The following PAPPA2 variants were observed in gnomAD, a reference collection of about 807,000 sequenced individuals.
PAPPA2 encodes the protein pappalysin 2.
Under a neutral mutation model 176.4 loss-of-function variants are expected in PAPPA2, and 86 were observed. The ratio of observed to expected loss-of-function variants is 0.49; its 90% CI spans 0.41 to 0.58. The LOEUF (loss-of-function observed/expected upper bound fraction) is 0.58, where lower values mean the gene tolerates loss of function less well. Ranked by LOEUF, PAPPA2 falls within the 20% of genes least tolerant of loss-of-function variation. The probability of loss-of-function intolerance (pLI) is 0.00; values close to 1 mark genes in which losing one functional copy is unlikely to be tolerated. For missense variants in PAPPA2, 2,073 were observed against 2,256.9 expected, an observed-to-expected ratio of 0.92 and a Z score of 1.65; for synonymous variants, 809 against 852.2, an observed-to-expected ratio of 0.95 and a Z score of 0.88.
At chr1:176,753,696 G>A (rs1663288078) in intron 14 of PAPPA2, among the ~76,000 whole-genome samples, 1 of 151,588 alleles carries the variant, frequency 6.6e-6, no homozygotes, top group African/African-American at 2.4e-5. Flanking sequence ...TTGCTGCTGG[G>A]AAAGGCACTA....
chr1:176,472,160 G>A (rs1417031733), intron 1 of PAPPA2, among the ~76,000 whole-genome samples: 1 of 152,146 alleles, frequency 6.6e-6, no homozygotes. Flanking sequence ...TGATTTATCA[G>A]TGTTAACAAT....
At chr1:176,703,387 G>A (rs551681413) in intron 9 of PAPPA2, among the ~76,000 whole-genome samples, 1 of 152,248 alleles carries the variant, frequency 6.6e-6, no homozygotes, top group South Asian at 2.1e-4. Context: ...GTTTGCCTGG[G>A]ACTTCCCCGG....
intron 12 of PAPPA2, among the ~76,000 whole-genome samples, chr1:176,721,342 AT>A (rs1661606781): frequency 6.6e-6 from 1 of 152,222 alleles, no homozygotes; most frequent in African/African-American, 2.4e-5. Context: ...AGTAAAATGA[AT>A]TTAAATTCCC....
chr1:176,767,165 GAAAT>G (rs958777999), intron 15 of PAPPA2, among the ~76,000 whole-genome samples: 1 of 152,020 alleles, frequency 6.6e-6, no homozygotes, highest in Admixed American at 6.6e-5. Flanking sequence ...CTCCAGAAAA[GAAAT>G]AAAAAGAATG....
chr1:176,490,366 C>A (rs1652838647), intron 1 of PAPPA2, among the ~76,000 whole-genome samples: 1 of 152,064 alleles, frequency 6.6e-6, no homozygotes, highest in African/African-American at 2.4e-5. Context: ...AGTTTGCAGG[C>A]AGCCTGATAA....
At chr1:176,734,505 TG>T (rs1271925458) in intron 12 of PAPPA2, among the ~76,000 whole-genome samples, 2 of 151,876 alleles carry the variant, frequency 1.3e-5, no homozygotes, top group Non-Finnish European at 2.9e-5. Flanking sequence ...CATACAAAGG[TG>T]GGCAGGGGCT....
Position 176,667,603 on chromosome 1 carries a change from T to C in PAPPA2, c.1992-3367T>C, listed in dbSNP as rs116202150. On this transcript the variant is annotated intron_variant, in intron 3 of 22. Transcript: ENST00000367662. ...GAGAGGGATCAGGTCAAAGGTGATA[T>C]TCCCTTGAAGGAAGAGGCAGTGCAG... Among the ~76,000 whole-genome samples, 570 of 152,160 alleles carry C rather than the reference T, an allele frequency of 3.7e-3. 2 individuals carry two copies. The highest frequency in any genetic ancestry group is 0.013 in the African/African-American group (529 of 41,536).
At chr1:176,674,357 A>C (rs1016399841) in intron 4 of PAPPA2, among the ~76,000 whole-genome samples, 1 of 152,114 alleles carries the variant, frequency 6.6e-6, no homozygotes, top group African/African-American at 2.4e-5. Flanking sequence ...TGGTGTACCC[A>C]TCACCCAAGC....
At chr1:176,515,026 C>G (rs74129050) in intron 1 of PAPPA2, among the ~76,000 whole-genome samples, 1 of 152,306 alleles carries the variant, frequency 6.6e-6, no homozygotes, top group African/African-American at 2.4e-5. Flanking sequence ...GCTAATCTTG[C>G]TTTGTTAGTT....
chr1:176,835,551 C>T (rs1223874458), intron 21 of PAPPA2, among the ~76,000 whole-genome samples: 2 of 152,160 alleles, frequency 1.3e-5, no homozygotes, highest in Admixed American at 6.5e-5. Flanking sequence ...CGGAGTTTCA[C>T]TCTTGTCACC....
intron 21 of PAPPA2, among the ~76,000 whole-genome samples, chr1:176,833,329 G>A (rs1385196511): frequency 6.6e-6 from 1 of 152,218 alleles, no homozygotes; most frequent in Non-Finnish European, 1.5e-5. Flanking sequence ...GCTACCTGCG[G>A]AGCATCATAA....
intron 2 of PAPPA2, among the ~76,000 whole-genome samples, chr1:176,566,501 A>G (rs2102606137): frequency 6.6e-6 from 1 of 152,264 alleles, no homozygotes; most frequent in South Asian, 2.1e-4. Context: ...AGGTGGCACC[A>G]TTAGCTGCTC....
At chr1:176,794,519 G>C (rs1272229017) in intron 20 of PAPPA2, among the ~76,000 whole-genome samples, 4 of 152,084 alleles carry the variant, frequency 2.6e-5, no homozygotes, top group African/African-American at 9.7e-5. Context: ...AAGAAAAATG[G>C]GGTTCTATAG....
intron 12 of PAPPA2, among the ~76,000 whole-genome samples, chr1:176,729,242 C>T (rs1259050139): frequency 6.6e-6 from 1 of 151,920 alleles, no homozygotes; most frequent in African/African-American, 2.4e-5. Flanking sequence ...GTTAAAGCAT[C>T]CACCCTTGTC....
At chr1:176,716,481 G>T (rs1466150186) in intron 12 of PAPPA2, among the ~76,000 whole-genome samples, 1 of 151,548 alleles carries the variant, frequency 6.6e-6, no homozygotes, top group East Asian at 1.9e-4. Flanking sequence ...CCTGACCTCA[G>T]GTGATCCTCC....
intron 17 of PAPPA2, among the ~76,000 whole-genome samples, chr1:176,783,051 A>G (rs1035458850): frequency 6.6e-6 from 1 of 152,228 alleles, no homozygotes; most frequent in African/African-American, 2.4e-5. Context: ...TCCAAGCTTG[A>G]GCAACAGGGC....
rs375840431 is a variant in PAPPA2, at chr1:176,711,849, C to T, written c.3666C>T (p.Tyr1222=). The change falls in exon 12 of 23, where the codon TAC becomes TAT. Residue 1222 remains tyrosine, a synonymous_variant. Transcript: ENST00000367662. Reference sequence around the variant, plus strand: ...TTGTATTTCAGATTTGCACATCATACCATCCAGATTTACCCAACCACCGTC... The same window carrying T: ...TTGTATTTCAGATTTGCACATCATATCATCCAGATTTACCCAACCACCGTC... ...GEPHSLICTS[Y]HPDLPNHRPL... The T allele has an allele frequency of 4.4e-6, 7 of 1,608,872 alleles. No homozygotes were observed. The African/African-American group carries it at 9.4e-5, about 21-fold the overall frequency.
At chr1:176,641,073 G>T (rs1232769550) in intron 3 of PAPPA2, among the ~76,000 whole-genome samples, 5 of 149,730 alleles carry the variant, frequency 3.3e-5, no homozygotes, top group Non-Finnish European at 7.5e-5. Context: ...TGAGTTCATT[G>T]TAGATTCTGG....
intron 1 of PAPPA2, among the ~76,000 whole-genome samples, chr1:176,471,809 G>A (rs755958990): frequency 1.3e-5 from 2 of 152,074 alleles, no homozygotes; most frequent in African/African-American, 2.4e-5. Context: ...TTGTTACTCG[G>A]GGCATTTGAC....
Sources: allele counts gnomAD v4.1 joint callset (sites outside exome capture counted in the v4.1 genomes callset), GRCh38; gene constraint gnomAD v4.1.1; transcripts MANE v1.5; gene names NCBI Gene and HGNC (gene_info 2026-07-23, HGNC 2026-07-21).